PTPRG: variants seen among roughly 807,000 people sequenced by gnomAD.
PTPRG encodes the protein protein tyrosine phosphatase receptor type G, also known as receptor-type tyrosine-protein phosphatase gamma.
Under a neutral mutation model 165.3 loss-of-function variants are expected in PTPRG, and 102 were observed. The observed-to-expected ratio is 0.62, with a 90% CI of 0.53 to 0.73. PTPRG has a LOEUF of 0.73. Among genes scored for constraint, PTPRG ranks in the 30% least tolerant of loss-of-function variants. The pLI, the probability that PTPRG is intolerant of heterozygous loss-of-function variation, is 0.00. For synonymous variants in PTPRG, 675 were observed against 669.5 expected, an observed-to-expected ratio of 1.01 and a Z score of -0.13; for missense variants, 1,866 against 1,861.4, an observed-to-expected ratio of 1.00 and a Z score of -0.05.
At chr3:61,564,861 G>GGCT (rs1489024008) in intron 1 of PTPRG, among the ~76,000 whole-genome samples, 3 of 152,192 alleles carry the variant, frequency 2.0e-5, no homozygotes. Flanking sequence ...GCGAGGCGGC[G>GGCT]GCCTCGGCCT....
chr3:61,746,953 G>GATCAGCTACAAAAATAAAAA (rs1309304489), intron 1 of PTPRG, among the ~76,000 whole-genome samples: 1 of 152,136 alleles, frequency 6.6e-6, no homozygotes, highest in Admixed American at 6.5e-5. Context: ...AGGAGTTTAA[G>GATCAGCTACAAAAATAAAAA]ATCAGCTACA....
intron 5 of PTPRG, among the ~76,000 whole-genome samples, chr3:62,079,564 T>TA (rs1701497368): frequency 6.6e-6 from 1 of 152,232 alleles, no homozygotes; most frequent in Admixed American, 6.5e-5. Context: ...TGGGTCATGA[T>TA]ATAATGTGTA....
intron 4 of PTPRG, among the ~76,000 whole-genome samples, chr3:62,059,223 A>G (rs759188306): frequency 2.0e-5 from 3 of 152,244 alleles, no homozygotes; most frequent in African/African-American, 4.8e-5. Flanking sequence ...TTCACGAAGC[A>G]CATGTCCTAG....
intron 3 of PTPRG, among the ~76,000 whole-genome samples, chr3:61,992,025 A>T (rs1332450000): frequency 6.6e-6 from 1 of 152,218 alleles, no homozygotes; most frequent in Non-Finnish European, 1.5e-5. Flanking sequence ...GAGCAAAGCT[A>T]TCCAAATACG....
intron 8 of PTPRG, among the ~76,000 whole-genome samples, chr3:62,186,048 A>C (rs1257836537): frequency 2.0e-5 from 3 of 152,144 alleles, no homozygotes; most frequent in Non-Finnish European, 4.4e-5. Context: ...AGCAAGCAGA[A>C]CTTTGGAAGC....
chr3:61,778,574 GCCTTAGGTTC>G (rs572160562), intron 2 of PTPRG, among the ~76,000 whole-genome samples: 103 of 152,184 alleles, frequency 6.8e-4, no homozygotes, highest in African/African-American at 2.4e-3. Flanking sequence ...GTGTGAATCA[GCCTTAGGTTC>G]CCTGCCCCCA....
At chr3:61,990,623 A>T (rs777775113) in intron 3 of PTPRG, among the ~76,000 whole-genome samples, 2 of 152,214 alleles carry the variant, frequency 1.3e-5, no homozygotes, top group African/African-American at 4.8e-5. Flanking sequence ...CTGGGATGTT[A>T]TATTACATCT....
At chr3:62,259,698 C>G (rs116497321) in intron 16 of PTPRG, among the ~76,000 whole-genome samples, 2,044 of 152,194 alleles carry the variant, frequency 0.013, 16 homozygotes, top group Non-Finnish European at 0.022. Context: ...ATGCTAGAGA[C>G]CAGCTGCAGG....
chr3:61,984,372 T>C (rs1280979877), intron 2 of PTPRG, among the ~76,000 whole-genome samples: 1 of 152,186 alleles, frequency 6.6e-6, no homozygotes, highest in African/African-American at 2.4e-5. Flanking sequence ...TTCTTTACCG[T>C]AGTCTCTTGT....
intron 1 of PTPRG, among the ~76,000 whole-genome samples, chr3:61,718,212 C>CAAAAA (rs2031896636): frequency 1.0e-4 from 11 of 110,094 alleles, no homozygotes; most frequent in African/African-American, 3.2e-4. Context: ...AAAACAAAAA[C>CAAAAA]CAAAAAAAAA....
intron 2 of PTPRG, among the ~76,000 whole-genome samples, chr3:61,926,609 C>CTCCTTCCTTCCT (rs1190200426): frequency 6.6e-4 from 63 of 94,800 alleles, no homozygotes; most frequent in South Asian, 4.4e-3. Context: ...CCCTCCCTCC[C>CTCCTTCCTTCCT]TCCTTCCTTC....
At chr3:61,849,450 C>T (rs957387453) in intron 2 of PTPRG, among the ~76,000 whole-genome samples, 15 of 152,234 alleles carry the variant, frequency 9.9e-5, no homozygotes, top group Non-Finnish European at 1.5e-4. Context: ...TAGGATTCAA[C>T]GTATTTGAAA....
At chr3:61,804,076 G>T (rs2035336382) in intron 2 of PTPRG, among the ~76,000 whole-genome samples, 1 of 152,140 alleles carries the variant, frequency 6.6e-6, no homozygotes, top group Admixed American at 6.5e-5. Flanking sequence ...CAGGGCTCCT[G>T]GGAAAAAGCT....
At position 62,295,884 on chromosome 3, in the gene PTPRG, C is replaced by G. The variant is rs1194001318; in HGVS notation, c.*2577C>G. ...TTGCATCTTTCCAGAGGCAGAGTTTCAAAGACAGGGTTTTCTTTGAGACAT... is the reference window on the plus strand; with the variant it reads ...TTGCATCTTTCCAGAGGCAGAGTTTGAAAGACAGGGTTTTCTTTGAGACAT... On this transcript the variant is annotated 3_prime_UTR_variant, in exon 30 of 30. Transcript: ENST00000474889. 1 of 152,050 alleles carries G rather than the reference C, an allele frequency of 6.6e-6. No homozygotes were observed. The highest frequency in any genetic ancestry group is 2.4e-5 in the African/African-American group (1 of 41,408). The allele number at this position is 152,050 out of a possible 1,614,324, so 9.4% of individuals were successfully genotyped here. A position where few individuals can be genotyped will look rare whatever the true frequency, so the allele number is the denominator to read the frequency against.
At chr3:62,276,795 A>T in intron 24 of PTPRG, 177 bp from the exon 25 acceptor site, 1 of 577,854 alleles carries the variant, frequency 1.7e-6, no homozygotes, top group South Asian at 2.3e-5. Context: ...GTGCAGCAAA[A>T]TTTCATTTTA....
intron 8 of PTPRG, among the ~76,000 whole-genome samples, chr3:62,179,547 G>A (rs113771934): frequency 7.2e-5 from 11 of 152,350 alleles, no homozygotes; most frequent in African/African-American, 2.2e-4. Flanking sequence ...GGAGTGTGCT[G>A]ACTGTTGAAA....
At chr3:61,695,230 C>G (rs777035549) in intron 1 of PTPRG, among the ~76,000 whole-genome samples, 12 of 152,152 alleles carry the variant, frequency 7.9e-5, no homozygotes, top group Non-Finnish European at 1.6e-4. Context: ...AGGCTGGTCT[C>G]GAACTCCCGA....
chr3:61,988,597 G>A (rs2040817008), intron 2 of PTPRG, among the ~76,000 whole-genome samples: 1 of 152,176 alleles, frequency 6.6e-6, no homozygotes, highest in Non-Finnish European at 1.5e-5. Context: ...TTCTGTAGAT[G>A]AATGTATATA....
intron 5 of PTPRG, among the ~76,000 whole-genome samples, chr3:62,117,208 A>G (rs778010607): frequency 5.3e-5 from 8 of 152,208 alleles, no homozygotes; most frequent in African/African-American, 7.2e-5. Flanking sequence ...GAAGCATGCA[A>G]TACATTTTAC....
Sources: gnomAD v4.1 joint callset for allele counts (sites outside exome capture counted in the v4.1 genomes callset) on GRCh38, gnomAD v4.1.1 for gene constraint, MANE v1.5 for transcripts, NCBI Gene and HGNC (gene_info 2026-07-23, HGNC 2026-07-21) for gene names.